Variants in NRG1 observed in about 807,000 individuals in gnomAD.
NRG1 encodes pro-neuregulin-1, membrane-bound isoform.
Under a neutral mutation model 63.8 loss-of-function variants are expected in NRG1, and 18 were observed. That is an observed-to-expected ratio of 0.28 (90% CI 0.19 to 0.42). The LOEUF (loss-of-function observed/expected upper bound fraction) is 0.42. NRG1 is among the 10% of genes least tolerant of loss of function. The pLI is 1.00. For missense variants in NRG1, 762 were observed against 814.7 expected (o/e 0.94, Z 0.79); for synonymous variants, 302 against 301.3 (o/e 1.00, Z -0.02).
intron 1 of NRG1, among the ~76,000 whole-genome samples, chr8:31,668,145 C>T (rs933492523): frequency 8.6e-5 from 13 of 152,040 alleles, no homozygotes; most frequent in African/African-American, 1.2e-4. Context: ...GAGAACATTA[C>T]GAAGCTACCA....
Position 32,699,773 on chromosome 8 carries a change from A to G in NRG1, c.503-28176A>G, listed in dbSNP as rs148659816. On this transcript the variant is annotated intron_variant, in intron 5 of 11. Coordinates refer to ENST00000356819, the Ensembl canonical transcript of NRG1. ...TATTACAGATGGTTCAAATGTTCCT[A>G]TAATGTCAATGTGTAAATCCATATT... is the stretch of plus-strand genomic sequence containing the variant. Among the ~76,000 whole-genome samples, 557 of 152,294 alleles carry G rather than the reference A, an allele frequency of 3.7e-3. 8 individuals are homozygous for G. Among genetic ancestry groups the G allele is most frequent in the African/African-American group, 0.012 (509 of 41,546 alleles).
At chr8:31,763,970 C>T (rs1232897235) in intron 1 of NRG1, among the ~76,000 whole-genome samples, 1 of 140,300 alleles carries the variant, frequency 7.1e-6, no homozygotes. Context: ...CGCGCCACCA[C>T]ACTCCAGCCT....
At chr8:31,872,719 A>C (rs1481615) in intron 1 of NRG1, among the ~76,000 whole-genome samples, 46,912 of 152,116 alleles carry the variant, frequency 0.31, 8,396 homozygotes, top group East Asian at 0.75. Context: ...TAAAGCATGG[A>C]AACAGGAATA....
chr8:31,896,046 A>C (rs965663410), intron 1 of NRG1, among the ~76,000 whole-genome samples: 3 of 152,196 alleles, frequency 2.0e-5, no homozygotes, highest in African/African-American at 7.2e-5. Context: ...TTTCTGCATA[A>C]GAAAACTGAA....
intron 1 of NRG1, among the ~76,000 whole-genome samples, chr8:32,155,179 T>A (rs551635858): frequency 1.7e-3 from 262 of 150,188 alleles, no homozygotes; most frequent in African/African-American, 6.1e-3. Context: ...GAAAAAAAAA[T>A]GTGAGACTAA....
At chr8:32,744,160 G>A (rs1827013756) in intron 7 of NRG1, among the ~76,000 whole-genome samples, 1 of 152,098 alleles carries the variant, frequency 6.6e-6, no homozygotes. Context: ...TTGTTCTGAT[G>A]CATGCAGAGA....
At chr8:32,044,041 C>T (rs28609511) in intron 1 of NRG1, among the ~76,000 whole-genome samples, 3,860 of 151,840 alleles carry the variant, frequency 0.025, 176 homozygotes, top group African/African-American at 0.089. Context: ...TATGATGCAG[C>T]AATATGCTAT....
intron 5 of NRG1, among the ~76,000 whole-genome samples, chr8:32,667,955 G>T (rs1381768148): frequency 6.6e-6 from 1 of 152,148 alleles, no homozygotes; most frequent in African/African-American, 2.4e-5. Context: ...ACTCACACCT[G>T]TAATCTCAGC....
chr8:31,734,466 A>G (rs937253873), intron 1 of NRG1, among the ~76,000 whole-genome samples: 4 of 152,218 alleles, frequency 2.6e-5, no homozygotes, highest in African/African-American at 2.4e-5. Flanking sequence ...TATGGCCCAC[A>G]TATAGAAAAT....
chr8:31,682,344 G>A (rs758175211), intron 1 of NRG1, among the ~76,000 whole-genome samples: 8 of 152,088 alleles, frequency 5.3e-5, no homozygotes, highest in Non-Finnish European at 1.0e-4. Flanking sequence ...GTCACCGTTT[G>A]GATTTTCACC....
intron 1 of NRG1, among the ~76,000 whole-genome samples, chr8:32,417,087 G>A (rs899646728): frequency 6.6e-6 from 1 of 152,146 alleles, no homozygotes; most frequent in African/African-American, 2.4e-5. Flanking sequence ...AAAAGGGAAA[G>A]GCCTCAGCTT....
intron 1 of NRG1, among the ~76,000 whole-genome samples, chr8:31,971,987 G>A (rs1329480845): frequency 6.6e-6 from 1 of 152,016 alleles, no homozygotes; most frequent in African/African-American, 2.4e-5. Context: ...TGGAACCTGG[G>A]TTTCCTTTAA....
At chr8:32,691,992 A>G (rs1353472150) in intron 5 of NRG1, among the ~76,000 whole-genome samples, 1 of 152,178 alleles carries the variant, frequency 6.6e-6, no homozygotes, top group African/African-American at 2.4e-5. Flanking sequence ...CATCCACCAT[A>G]TATATAAGAC....
intron 1 of NRG1, among the ~76,000 whole-genome samples, chr8:32,218,967 T>C (rs943942013): frequency 6.6e-6 from 1 of 152,218 alleles, no homozygotes; most frequent in Non-Finnish European, 1.5e-5. Context: ...TTACCGAGTA[T>C]GTATTTTCTG....
intron 1 of NRG1, among the ~76,000 whole-genome samples, chr8:32,060,617 T>G (rs915843498): frequency 6.6e-6 from 1 of 151,996 alleles, no homozygotes; most frequent in African/African-American, 2.4e-5. Context: ...GTTCCTGCTG[T>G]TTGTTTCCCA....
chr8:31,817,003 G>A (rs1823513046), intron 1 of NRG1, among the ~76,000 whole-genome samples: 1 of 152,062 alleles, frequency 6.6e-6, no homozygotes, highest in African/African-American at 2.4e-5. Context: ...ATATAAAATT[G>A]AAATGTCCCT....
chr8:32,518,722 A>T (rs1244136216), intron 1 of NRG1, among the ~76,000 whole-genome samples: 2 of 152,222 alleles, frequency 1.3e-5, no homozygotes, highest in Non-Finnish European at 1.5e-5. Flanking sequence ...CAAGAAAAAA[A>T]GGTTACTGTA....
chr8:32,144,419 AC>A (rs1191395210), intron 1 of NRG1, among the ~76,000 whole-genome samples: 1 of 151,826 alleles, frequency 6.6e-6, no homozygotes, highest in African/African-American at 2.4e-5. Context: ...GTTGGAGAAG[AC>A]CTGCATGCCT....
In NRG1 at chr8:31,892,241, A is replaced by G. The variant is rs983911524; in HGVS notation, c.37+252810A>G. The stretch of plus-strand genomic sequence containing the variant: ...TGATAGTGCTTGATTTTATCAGTTG[A>G]TCAAGCTGCTCTTAGTTGAAATAAC... On this transcript the variant is annotated intron_variant, in intron 1 of 10. Transcript: ENST00000519301. 3.9e-5 allele frequency among the ~76,000 whole-genome samples: 6 copies of G among 152,156 alleles called. No individual in the cohort carries two copies. The East Asian group carries it at 1.2e-3, about 29-fold the overall frequency.
Sources: allele counts gnomAD v4.1 joint callset (sites outside exome capture counted in the v4.1 genomes callset), GRCh38; gene constraint gnomAD v4.1.1; transcripts MANE v1.5; gene names NCBI Gene and HGNC (gene_info 2026-07-23, HGNC 2026-07-21).